SYTL2: variants seen among roughly 807,000 people sequenced by gnomAD.
SYTL2 encodes the protein synaptotagmin like 2.
SYTL2 carries 165 observed loss-of-function variants against 198.7 expected under a neutral mutation model. That is an observed-to-expected ratio of 0.83 (90% CI 0.73 to 0.94). SYTL2 has a LOEUF of 0.94. Ranked by LOEUF, SYTL2 falls within the 40% of genes least tolerant of loss-of-function variation. SYTL2 has a pLI of 0.00. For synonymous variants in SYTL2, 966 were observed against 917.7 expected (o/e 1.05, Z -0.95); for missense variants, 2,835 against 2,582.8 (o/e 1.10, Z -2.12).
intron 7 of SYTL2, among the ~76,000 whole-genome samples, chr11:85,731,818 T>G (rs2089860981): frequency 6.6e-6 from 1 of 152,086 alleles, no homozygotes; most frequent in Non-Finnish European, 1.5e-5. Context: ...GGGAGAAAAT[T>G]TTTGCAATCT....
chr11:85,781,567 T>G (rs2153601754), intron 1 of SYTL2, among the ~76,000 whole-genome samples: 1 of 152,330 alleles, frequency 6.6e-6, no homozygotes, highest in Middle Eastern at 3.4e-3. Flanking sequence ...AAGACTCATC[T>G]GAGACAAACC....
intron 1 of SYTL2, among the ~76,000 whole-genome samples, chr11:85,761,372 T>C (rs79326044): frequency 0.021 from 3,179 of 152,208 alleles, 64 homozygotes; most frequent in Admixed American, 0.037. Context: ...GCCATGCAGA[T>C]ATCCCAGGGT....
At chr11:85,777,353 A>G (rs988419904) in intron 1 of SYTL2, among the ~76,000 whole-genome samples, 6 of 152,158 alleles carry the variant, frequency 3.9e-5, no homozygotes, top group African/African-American at 1.4e-4. Flanking sequence ...ACCATTACCA[A>G]AAGTGTCTGA....
intron 1 of SYTL2, among the ~76,000 whole-genome samples, chr11:85,787,963 G>C (rs1364954879): frequency 6.6e-6 from 1 of 152,130 alleles, no homozygotes; most frequent in African/African-American, 2.4e-5. Context: ...TTTCCTCCAA[G>C]TGTGCAGCTG....
chr11:85,753,046 TTG>T (rs2091640694), intron 2 of SYTL2, among the ~76,000 whole-genome samples: 1 of 147,024 alleles, frequency 6.8e-6, no homozygotes, highest in Admixed American at 6.8e-5. Context: ...GTAGATGTGG[TTG>T]TGTGTATATG....
At chr11:85,750,932 A>G (rs1463829423) in intron 2 of SYTL2, among the ~76,000 whole-genome samples, 1 of 152,148 alleles carries the variant, frequency 6.6e-6, no homozygotes, top group African/African-American at 2.4e-5. Flanking sequence ...TTCTTTTCAT[A>G]AGATTGTTTA....
the SYTL2 span, among the ~76,000 whole-genome samples, chr11:85,851,588 G>A: frequency 2.2e-4 from 33 of 152,308 alleles, no homozygotes; most frequent in South Asian, 5.6e-3. Context: ...GGTCAAATGA[G>A]GAAACTCAGC....
chr11:85,804,027 A>T (rs547191185), intron 1 of SYTL2, among the ~76,000 whole-genome samples: 1 of 152,368 alleles, frequency 6.6e-6, no homozygotes, highest in Admixed American at 6.5e-5. Flanking sequence ...ACTATAAATT[A>T]TGTGATTTAC....
At chr11:85,695,459 G>C in intron 19 of SYTL2, 119 bp from the exon 20 acceptor site, 1 of 716,820 alleles carries the variant, frequency 1.4e-6, no homozygotes, top group Non-Finnish European at 2.2e-6. Context: ...TCTTCACTGG[G>C]AGGGCAGATG....
At chr11:85,800,435 C>T (rs1383002890) in intron 1 of SYTL2, among the ~76,000 whole-genome samples, 2 of 138,962 alleles carry the variant, frequency 1.4e-5, no homozygotes, top group Admixed American at 1.5e-4. Flanking sequence ...ACCAACATGC[C>T]CTGCTAATTT....
chr11:85,739,029 T>C (rs978029989), intron 4 of SYTL2, among the ~76,000 whole-genome samples: 2 of 152,202 alleles, frequency 1.3e-5, no homozygotes, highest in Non-Finnish European at 2.9e-5. Flanking sequence ...TACTGAGCTG[T>C]ACCTAGCTAT....
At chr11:85,784,121 T>A (rs150850514) in intron 1 of SYTL2, among the ~76,000 whole-genome samples, 3 of 152,328 alleles carry the variant, frequency 2.0e-5, no homozygotes, top group East Asian at 3.9e-4. Context: ...ACAAGGTAAC[T>A]GGAAATTCAT....
chr11:85,818,656 ACTAT>A, the SYTL2 span, among the ~76,000 whole-genome samples: 1,188 of 149,102 alleles, frequency 8.0e-3, 44 homozygotes, highest in Admixed American at 0.065. Flanking sequence ...TGTATAAATT[ACTAT>A]CTATCTATCT....
intron 1 of SYTL2, among the ~76,000 whole-genome samples, chr11:85,803,708 G>C (rs1256663917): frequency 1.3e-5 from 2 of 152,218 alleles, no homozygotes; most frequent in Non-Finnish European, 2.9e-5. Flanking sequence ...ATACTGGGTT[G>C]TGAAAAGAGT....
At chr11:85,819,294 G>C in the SYTL2 span, among the ~76,000 whole-genome samples, 5 of 152,338 alleles carry the variant, frequency 3.3e-5, no homozygotes, top group East Asian at 7.7e-4. Flanking sequence ...TAAAACAACT[G>C]TTTCAGTTAT....
At chr11:85,785,580 G>T (rs192558788) in intron 1 of SYTL2, among the ~76,000 whole-genome samples, 18 of 152,266 alleles carry the variant, frequency 1.2e-4, no homozygotes, top group African/African-American at 3.8e-4. Flanking sequence ...ATGAGAATTT[G>T]AATCATCATG....
chr11:85,843,929 T>C, the SYTL2 span, among the ~76,000 whole-genome samples: 1 of 152,222 alleles, frequency 6.6e-6, no homozygotes, highest in East Asian at 1.9e-4. Context: ...AAGTTCATGT[T>C]CTTAAACAAA....
Position 85,726,652 on chromosome 11 carries a change from C to T in SYTL2, c.2706G>A (p.Leu902=). 1 of 1,537,096 alleles carries T rather than the reference C, an allele frequency of 6.5e-7. No homozygotes were observed. The highest frequency in any genetic ancestry group is 8.7e-7 in the Non-Finnish European group (1 of 1,147,178). Residue 902 remains leucine, a synonymous_variant, in exon 8 of 20, where the codon CTG becomes CTA. Coordinates refer to ENST00000359152, the MANE Select transcript of SYTL2 (RefSeq NM_206927.4). ...LSAEQSDKVS[L]FQNKKNEPIK... is the part of the protein sequence containing the mutation. ...TAGGCTCATTTTTCTTATTCTGAAA[C>T]AGAGACACTTTATCTGATTGCTCAG...
intron 2 of SYTL2, among the ~76,000 whole-genome samples, chr11:85,751,420 G>A (rs968781035): frequency 5.3e-5 from 8 of 152,226 alleles, no homozygotes; most frequent in Admixed American, 4.6e-4. Flanking sequence ...TCAACAAAAT[G>A]AGCATTTGAT....
Sources: allele counts gnomAD v4.1 joint callset (sites outside exome capture counted in the v4.1 genomes callset), GRCh38; gene constraint gnomAD v4.1.1; transcripts MANE v1.5; gene names NCBI Gene and HGNC (gene_info 2026-07-23, HGNC 2026-07-21).